MYLK: variants seen among roughly 807,000 people sequenced by gnomAD.
The protein encoded by MYLK is myosin light chain kinase, smooth muscle.
A neutral mutation model predicts 203.4 loss-of-function variants in MYLK; 106 were observed. The observed-to-expected ratio is 0.52, with a 90% confidence interval of 0.45 to 0.61. The LOEUF (loss-of-function observed/expected upper bound fraction) is 0.61. MYLK is among the 20% of genes least tolerant of loss of function. The probability of loss-of-function intolerance (pLI) is 0.00; values close to 1 mark genes in which losing one functional copy is unlikely to be tolerated. For synonymous variants in MYLK, 867 were observed against 959.5 expected, an observed-to-expected ratio of 0.90 and a Z score of 1.78; for missense variants, 2,072 against 2,442.3, an observed-to-expected ratio of 0.85 and a Z score of 3.20.
intron 5 of MYLK, among the ~76,000 whole-genome samples, chr3:123,748,754 G>A (rs917723739): frequency 4.6e-5 from 7 of 152,062 alleles, no homozygotes; most frequent in African/African-American, 1.4e-4. Flanking sequence ...TGGGCAATAC[G>A]GTGAAACCCC....
At chr3:123,737,284 TAC>T (rs752170304) in intron 8 of MYLK, 92 bp downstream of exon 8, 1 of 1,515,728 alleles carries the variant, frequency 6.6e-7, no homozygotes, top group Non-Finnish European at 9.1e-7. Flanking sequence ...GCCAGGTGTA[TAC>T]ACACACAGGT....
At chr3:123,665,498 A>C (rs1031038319) in intron 22 of MYLK, among the ~76,000 whole-genome samples, 1 of 152,160 alleles carries the variant, frequency 6.6e-6, no homozygotes. Flanking sequence ...GGAGAATTTG[A>C]GTGATTTTAA....
At chr3:123,664,045 C>T in intron 23 of MYLK, 60 bp downstream of exon 23, 5 of 1,611,374 alleles carry the variant, frequency 3.1e-6, no homozygotes, top group Non-Finnish European at 3.4e-6. Flanking sequence ...CGTATCTTGC[C>T]TGGGGGCTCC....
rs555917795 is a variant in MYLK at position 123,734,113 on chromosome 3, T to C, written c.883A>G (p.Lys295Glu). 3.1e-6 allele frequency: 5 copies of C among 1,601,330 alleles called. No homozygotes were observed. In the African/African-American group the frequency reaches 6.7e-5, roughly 21 times the overall value. The part of the protein sequence containing the change: ...LDSLEAAAKS[K>E]NCSSPQRGGS... ...CCTCTCTGGGGGCTGGAGCAGTTCTTGCTTTTGGCTGCAGCCTCCAGACTG... is the reference window on the plus strand; with the variant it reads ...CCTCTCTGGGGGCTGGAGCAGTTCTCGCTTTTGGCTGCAGCCTCCAGACTG... The change falls in exon 10 of 34, where the codon AAG becomes GAG. Residue 295 changes from lysine to glutamate, a missense_variant. Transcript: ENST00000360304.
chr3:123,646,469 G>T (rs1458651579), intron 27 of MYLK, among the ~76,000 whole-genome samples: 4 of 152,192 alleles, frequency 2.6e-5, no homozygotes, highest in Non-Finnish European at 2.9e-5. Context: ...CAGATGCTGT[G>T]GGGGATGCCT....
At chr3:123,618,244 C>T (rs1449005013) in intron 33 of MYLK, 1 of 287,736 alleles carries the variant, frequency 3.5e-6, no homozygotes. Flanking sequence ...GATTCCACAT[C>T]CTATGCCTTT....
At chr3:123,649,247 G>A in intron 24 of MYLK, 53 bp from the exon 25 acceptor site, 1 of 1,609,422 alleles carries the variant, frequency 6.2e-7, no homozygotes, top group Non-Finnish European at 8.5e-7. Flanking sequence ...AGTACTGAAG[G>A]CCCACTGAGA....
chr3:123,709,021 A>G, intron 14 of MYLK, 126 bp from the exon 15 acceptor site: 1 of 778,070 alleles, frequency 1.3e-6, no homozygotes, highest in Non-Finnish European at 2.1e-6. Flanking sequence ...TCACTTCCCC[A>G]TCAGTAAAAT....
At chr3:123,853,564 T>C (rs775867495) in intron 2 of MYLK, among the ~76,000 whole-genome samples, 2 of 152,198 alleles carry the variant, frequency 1.3e-5, no homozygotes, top group Non-Finnish European at 2.9e-5. Context: ...GAAATGTCTA[T>C]TCCAGTTATC....
chr3:123,702,722 T>C lies in MYLK; in HGVS notation c.2391-1213A>G, dbSNP rs144696049. 2.1e-4 allele frequency among the ~76,000 whole-genome samples: 32 copies of C among 152,300 alleles called. No individual in the cohort carries two copies. The East Asian group carries it at 6.2e-3, about 29-fold the overall frequency. On this transcript the variant is annotated intron_variant, in intron 16 of 33. Coordinates refer to ENST00000360304, the MANE Select transcript of MYLK (RefSeq NM_053025.4). ...AGGTAAAGTAGTCCAGGCGCAGTGG[T>C]TCATGCCTGTAATCCCAGCACTTTG... is the stretch of plus-strand genomic sequence containing the variant.
intron 4 of MYLK, among the ~76,000 whole-genome samples, chr3:123,765,128 G>A (rs981454329): frequency 3.9e-5 from 6 of 152,224 alleles, no homozygotes; most frequent in Non-Finnish European, 7.3e-5. Context: ...TGGTGGAAAT[G>A]TAAAATGGCA....
intron 3 of MYLK, among the ~76,000 whole-genome samples, chr3:123,820,641 T>TCCTTCCTTCCTA (rs2109294894): frequency 1.3e-5 from 1 of 78,884 alleles, no homozygotes; most frequent in Non-Finnish European, 3.2e-5. Flanking sequence ...CTTCCTTCCT[T>TCCTTCCTTCCTA]CCCTCCTTCC....
chr3:123,802,955 C>T (rs2065245508), intron 3 of MYLK, among the ~76,000 whole-genome samples: 1 of 151,964 alleles, frequency 6.6e-6, no homozygotes, highest in African/African-American at 2.4e-5. Flanking sequence ...ATACCATGCC[C>T]CCCACTCCAT....
At chr3:123,758,877 T>G (rs146001386) in intron 4 of MYLK, among the ~76,000 whole-genome samples, 201 of 152,288 alleles carry the variant, frequency 1.3e-3, no homozygotes, top group African/African-American at 4.6e-3. Context: ...CAGGCTAGAG[T>G]GCAGTGGCAC....
intron 29 of MYLK, among the ~76,000 whole-genome samples, chr3:123,632,880 C>T (rs998479281): frequency 5.3e-5 from 8 of 150,010 alleles, no homozygotes; most frequent in Admixed American, 2.7e-4. Context: ...TCTCAGCTCA[C>T]TGAACCTCTG....
intron 18 of MYLK, among the ~76,000 whole-genome samples, chr3:123,697,946 T>A (rs1459009689): frequency 6.6e-6 from 1 of 152,096 alleles, no homozygotes; most frequent in Non-Finnish European, 1.5e-5. Flanking sequence ...ATCTCTAGGC[T>A]CTTTACCACT....
chr3:123,836,168 A>T (rs1007791890), intron 2 of MYLK, among the ~76,000 whole-genome samples: 10 of 152,188 alleles, frequency 6.6e-5, no homozygotes, highest in African/African-American at 2.4e-4. Flanking sequence ...TTCTACTATT[A>T]ATCCACCTTT....
At chr3:123,757,542 G>A (rs1222362259) in intron 4 of MYLK, among the ~76,000 whole-genome samples, 1 of 152,206 alleles carries the variant, frequency 6.6e-6, no homozygotes, top group Non-Finnish European at 1.5e-5. Context: ...CCAGGAAGGA[G>A]AGAAAGCAGG....
At chr3:123,723,171 G>A (rs1221627850) in intron 12 of MYLK, among the ~76,000 whole-genome samples, 1 of 151,380 alleles carries the variant, frequency 6.6e-6, no homozygotes, top group East Asian at 1.9e-4. Flanking sequence ...CAGGCCCCAG[G>A]GTCCTGGTTT....
Sources: gnomAD v4.1 joint callset for allele counts (sites outside exome capture counted in the v4.1 genomes callset) on GRCh38, gnomAD v4.1.1 for gene constraint, MANE v1.5 for transcripts, NCBI Gene and HGNC (gene_info 2026-07-23, HGNC 2026-07-21) for gene names.